ERP44: variants seen among roughly 807,000 people sequenced by gnomAD.
ERP44 encodes endoplasmic reticulum resident protein 44.
In ERP44, 25 loss-of-function variants were observed where a neutral mutation model predicts 53.4. The ratio of observed to expected loss-of-function variants is 0.47; its 90% CI spans 0.34 to 0.65. The LOEUF is 0.65. Ranked by LOEUF, ERP44 falls within the 30% of genes least tolerant of loss-of-function variation. The pLI is 0.01. For missense variants in ERP44, 338 were observed against 493.2 expected (o/e 0.69, Z 2.98); for synonymous variants, 145 against 161.2 (o/e 0.90, Z 0.76).
At chr9:100,007,937 T>G (rs1447593822) in intron 8 of ERP44, among the ~76,000 whole-genome samples, 2 of 152,190 alleles carry the variant, frequency 1.3e-5, no homozygotes, top group Non-Finnish European at 2.9e-5. Flanking sequence ...GAAACTGATC[T>G]GCCCCCACTG....
At chr9:99,989,233 A>G (rs897906029) in intron 10 of ERP44, among the ~76,000 whole-genome samples, 6 of 152,232 alleles carry the variant, frequency 3.9e-5, no homozygotes, top group Non-Finnish European at 8.8e-5. Context: ...TGCCTCCTCA[A>G]GTGGGTCCCT....
At chr9:100,077,170 A>G (rs1009776648) in intron 1 of ERP44, among the ~76,000 whole-genome samples, 18 of 152,204 alleles carry the variant, frequency 1.2e-4, no homozygotes, top group Admixed American at 3.3e-4. Context: ...ACCTGCACAC[A>G]ATGCTTCTGC....
intron 10 of ERP44, among the ~76,000 whole-genome samples, chr9:99,993,457 A>C (rs1830276891): frequency 6.6e-6 from 1 of 152,260 alleles, no homozygotes; most frequent in African/African-American, 2.4e-5. Context: ...CTGGCTAGCC[A>C]TATATAGAAA....
intron 1 of ERP44, among the ~76,000 whole-genome samples, chr9:100,068,297 T>C (rs1587980098): frequency 1.6e-5 from 2 of 127,640 alleles, no homozygotes; most frequent in African/African-American, 3.0e-5. Context: ...GAGGAGCCCC[T>C]CTACCCGGCC....
At chr9:100,068,535 C>T (rs1165730012) in intron 1 of ERP44, among the ~76,000 whole-genome samples, 2 of 134,736 alleles carry the variant, frequency 1.5e-5, no homozygotes, top group Non-Finnish European at 3.2e-5. Context: ...TTCAGCCCCC[C>T]GCCCGGCCAG....
intron 6 of ERP44, among the ~76,000 whole-genome samples, chr9:100,018,973 A>G (rs1218747512): frequency 6.6e-6 from 1 of 152,200 alleles, no homozygotes; most frequent in East Asian, 1.9e-4. Context: ...TGGTCTTGGC[A>G]TTGGATAAAC....
intron 11 of ERP44, 140 bp downstream of exon 11, chr9:99,984,827 G>A: frequency 3.6e-6 from 2 of 552,818 alleles, no homozygotes; most frequent in South Asian, 5.4e-5. Flanking sequence ...AATTTAAAAG[G>A]TTAATTTCTA....
intron 4 of ERP44, among the ~76,000 whole-genome samples, chr9:100,046,836 T>C (rs1301593280): frequency 6.6e-6 from 1 of 152,108 alleles, no homozygotes; most frequent in Non-Finnish European, 1.5e-5. Flanking sequence ...GAAAAAAAAG[T>C]ACAAAGTTGA....
At chr9:100,023,117 C>T (rs1018838046) in intron 4 of ERP44, among the ~76,000 whole-genome samples, 1 of 152,064 alleles carries the variant, frequency 6.6e-6, no homozygotes, top group African/African-American at 2.4e-5. Flanking sequence ...CTGGTACTTC[C>T]TTGAAGCAGA....
At chr9:100,015,902 C>G (rs552784161) in intron 8 of ERP44, among the ~76,000 whole-genome samples, 1 of 152,104 alleles carries the variant, frequency 6.6e-6, no homozygotes, top group Non-Finnish European at 1.5e-5. Context: ...TGCCACTGAT[C>G]TGACAGGAGG....
At chr9:100,067,342 C>T (rs916876620) in intron 1 of ERP44, among the ~76,000 whole-genome samples, 6 of 151,484 alleles carry the variant, frequency 4.0e-5, no homozygotes, top group Admixed American at 6.5e-5. Flanking sequence ...AGGCGCGCGC[C>T]GCCGCGCCTG....
intron 7 of ERP44, among the ~76,000 whole-genome samples, chr9:100,017,974 A>G (rs1233264529): frequency 2.6e-5 from 4 of 152,096 alleles, no homozygotes; most frequent in African/African-American, 9.7e-5. Context: ...AGAGAGATAG[A>G]AAAGGCCTGA....
At chr9:100,084,019 T>C (rs936526316) in intron 1 of ERP44, among the ~76,000 whole-genome samples, 6 of 152,082 alleles carry the variant, frequency 3.9e-5, no homozygotes, top group Non-Finnish European at 8.8e-5. Context: ...CAGATGGAAC[T>C]ACTGGAGCAT....
intron 10 of ERP44, among the ~76,000 whole-genome samples, chr9:100,003,394 G>A (rs1160295401): frequency 6.6e-6 from 1 of 152,186 alleles, no homozygotes; most frequent in African/African-American, 2.4e-5. Context: ...TTACATTGAT[G>A]TCTGGGCATT....
At chr9:100,021,967 AT>A (rs1038041882) in intron 5 of ERP44, 74 bp downstream of exon 5, 1 of 1,342,430 alleles carries the variant, frequency 7.4e-7, no homozygotes. Flanking sequence ...GAATGTCCAG[AT>A]TTTTTGTTTG....
Position 99,989,250 on chromosome 9 carries a change from C to T in ERP44, c.1017-4181G>A, listed in dbSNP as rs148938638. ...CCTCCTCAAGTGGGTCCCTGACCCCCGTGTAGCCTAACTGGGAGACACCTC... is the reference window on the plus strand; with the variant it reads ...CCTCCTCAAGTGGGTCCCTGACCCCTGTGTAGCCTAACTGGGAGACACCTC... On this transcript the variant is annotated intron_variant, in intron 10 of 11. Coordinates refer to ENST00000262455, the MANE Select transcript of ERP44 (RefSeq NM_015051.3). Among the ~76,000 whole-genome samples the T allele has an allele frequency of 7.9e-3, 1,200 of 152,302 alleles. 21 individuals are homozygous for T. Among genetic ancestry groups the T allele is most frequent in the African/African-American group, 0.027 (1,137 of 41,564 alleles).
In ERP44 at chr9:100,022,226, G is replaced by T; in HGVS notation, c.287C>A (p.Ser96Tyr). 2 of 1,602,236 alleles carry T rather than the reference G, an allele frequency of 1.2e-6. No individual in the cohort carries two copies. The highest frequency in any genetic ancestry group is 2.2e-5 in the South Asian group (2 of 88,966). Residue 96 changes from serine (S) to tyrosine (Y), a missense_variant and splice_region_variant, in exon 5 of 12, where the codon TCT becomes TAT. Physicochemically the swap from Ser to Tyr is moderately radical, Grantham distance 144. Coordinates refer to ENST00000262455, the MANE Select transcript of ERP44 (RefSeq NM_015051.3). ...VFARVDCDQH[S>Y]DIAQRYRISK... ...TATCCTGTATCTCTGGGCTATGTCA[G>T]CTAAAAGAATGAAAAAAAATTATTT...
At position 99,980,535 on chromosome 9, in the gene ERP44, G is replaced by C. The variant is rs1474669253; in HGVS notation, c.*2077C>G. On this transcript the variant is annotated 3_prime_UTR_variant, in exon 12 of 12. Coordinates refer to ENST00000262455, the MANE Select transcript of ERP44 (RefSeq NM_015051.3). Reference sequence around the variant, plus strand: ...CCTTTCATCCAAGCACTTGAGCTTAGTGACTTTTTATAAAATTAGGCACCA... The same window carrying C: ...CCTTTCATCCAAGCACTTGAGCTTACTGACTTTTTATAAAATTAGGCACCA... The C allele has an allele frequency of 6.6e-6, 1 of 152,542 alleles. No homozygotes were observed. The highest frequency in any genetic ancestry group is 1.5e-5 in the Non-Finnish European group (1 of 68,288). 9.4% of individuals were successfully genotyped at this position (152,542 alleles called of 1,614,324 possible).
chr9:100,021,141 G>A (rs578088424), intron 5 of ERP44, among the ~76,000 whole-genome samples: 92 of 152,276 alleles, frequency 6.0e-4, no homozygotes, highest in African/African-American at 2.0e-3. Flanking sequence ...AAAAATGCAA[G>A]ACCCTGACTA....
Sources: gnomAD v4.1 joint callset for allele counts (sites outside exome capture counted in the v4.1 genomes callset) on GRCh38, gnomAD v4.1.1 for gene constraint, MANE v1.5 for transcripts, NCBI Gene and HGNC (gene_info 2026-07-23, HGNC 2026-07-21) for gene names.